The following ITPR2 variants were observed in gnomAD, a reference collection of about 807,000 sequenced individuals.
ITPR2 encodes inositol 1,4,5-trisphosphate receptor type 2, also known as inositol 1,4,5-trisphosphate-gated calcium channel ITPR2.
In ITPR2, 207 loss-of-function variants were observed where a neutral mutation model predicts 317.1. The ratio of observed to expected loss-of-function variants is 0.65; its 90% CI spans 0.58 to 0.73. ITPR2 has a LOEUF of 0.73. Ranked by LOEUF, ITPR2 falls within the 30% of genes least tolerant of loss-of-function variation. The pLI, the probability that ITPR2 is intolerant of heterozygous loss-of-function variation, is 0.00. For synonymous variants in ITPR2, 1,156 were observed against 1,149.1 expected (o/e 1.01, Z -0.12); for missense variants, 2,613 against 3,284.0 (o/e 0.80, Z 4.99).
At chr12:26,353,326 C>T (rs1256637299) in intron 55 of ITPR2, among the ~76,000 whole-genome samples, 1 of 152,174 alleles carries the variant, frequency 6.6e-6, no homozygotes, top group Non-Finnish European at 1.5e-5. Context: ...TCATCTTGCT[C>T]CTTAAAATCC....
chr12:26,787,291 A>C (rs901244009), intron 2 of ITPR2, among the ~76,000 whole-genome samples: 2 of 152,266 alleles, frequency 1.3e-5, no homozygotes, highest in Non-Finnish European at 2.9e-5. Flanking sequence ...GATTGTAGTA[A>C]GATAAATGAT....
chr12:26,387,498 A>C lies in ITPR2; in HGVS notation c.7793T>G (p.Leu2598Arg), dbSNP rs1326229586. 1 of 1,613,876 alleles carries C rather than the reference A, an allele frequency of 6.2e-7. No individual in the cohort carries two copies. Among genetic ancestry groups the C allele is most frequent in the Admixed American group, 1.7e-5 (1 of 60,010 alleles). ...TTCTGTTGGGTCTTTAACTTTCACC[A>C]GGACTATGAAGTACAAATAATGCCA... is the stretch of plus-strand genomic sequence containing the variant. ...NMWHYLYFIV[L>R]VKVKDPTEYT... Residue 2598 changes from leucine (L) to arginine (R), a missense_variant, in exon 55 of 57, where the codon CTG becomes CGG. This residue lies in a region of ITPR2 where 119 missense variants were observed against 144.3 expected (regional missense o/e 0.82). Coordinates refer to ENST00000381340, the MANE Select transcript of ITPR2 (RefSeq NM_002223.4).
At position 26,602,644 on chromosome 12, in the gene ITPR2, C is replaced by T; in HGVS notation, c.3525G>A (p.Lys1175=). 6.2e-7 allele frequency: 1 copy of T among 1,611,386 alleles called. No homozygotes were observed. The highest frequency in any genetic ancestry group is 8.5e-7 in the Non-Finnish European group (1 of 1,178,154). ...GTKKPQIDSN[K]SNNYRIVKEI... is the part of the protein sequence containing the mutation. Reference sequence around the variant, plus strand: ...CCTTTACAATCCGGTAGTTATTGCTCTTGTTGCTGTCAATCTGAGGTTTCT... The same window carrying T: ...CCTTTACAATCCGGTAGTTATTGCTTTTGTTGCTGTCAATCTGAGGTTTCT... The change falls in exon 27 of 57, where the codon AAG becomes AAA. Residue 1175 remains lysine (K), a synonymous_variant. Coordinates refer to ENST00000381340, the MANE Select transcript of ITPR2 (RefSeq NM_002223.4).
rs146495215 is a variant in ITPR2 at position 26,367,636 on chromosome 12, C to T, written c.7857+19798G>A. Among the ~76,000 whole-genome samples the T allele has an allele frequency of 7.7e-3, 1,168 of 152,278 alleles. 12 individuals carry two copies. The highest frequency in any genetic ancestry group is 0.024 in the Middle Eastern group (7 of 294). ...TATGAAGAGAAGTAATCTGGCAATACAGCCAAACTAATACACAAACTTAGA... is the reference window on the plus strand; with the variant it reads ...TATGAAGAGAAGTAATCTGGCAATATAGCCAAACTAATACACAAACTTAGA... On this transcript the variant is annotated intron_variant, in intron 55 of 56. Coordinates refer to ENST00000381340, the MANE Select transcript of ITPR2 (RefSeq NM_002223.4).
chr12:26,443,720 C>G (rs1941543601), intron 45 of ITPR2, 70 bp from the exon 46 acceptor site: 7 of 1,130,724 alleles, frequency 6.2e-6, no homozygotes, highest in Non-Finnish European at 9.3e-6. Context: ...TTTGCAATAT[C>G]TTTGTCTACT....
At position 26,649,663 on chromosome 12, in the gene ITPR2, C is replaced by T. The variant is rs147555544; in HGVS notation, c.2740+4313G>A. ...CCTTCTCAAATCCCTCCAGAGATTGCCCACCAAACTTAAAACAAAATTCTA... is the reference window on the plus strand; with the variant it reads ...CCTTCTCAAATCCCTCCAGAGATTGTCCACCAAACTTAAAACAAAATTCTA... On this transcript the variant is annotated intron_variant, in intron 21 of 56. Transcript: ENST00000381340. Among the ~76,000 whole-genome samples, 10 of 152,240 alleles carry T rather than the reference C, an allele frequency of 6.6e-5. No homozygotes were observed. In the East Asian group the frequency reaches 1.9e-3, roughly 29 times the overall value.
At chr12:26,725,000 T>C (rs567294525) in intron 3 of ITPR2, among the ~76,000 whole-genome samples, 19 of 152,250 alleles carry the variant, frequency 1.2e-4, no homozygotes, top group African/African-American at 4.3e-4. Context: ...AAGGGAGCAG[T>C]AATTAAATAA....
chr12:26,789,699 G>A (rs1020075930), intron 2 of ITPR2, among the ~76,000 whole-genome samples: 1 of 152,126 alleles, frequency 6.6e-6, no homozygotes, highest in African/African-American at 2.4e-5. Flanking sequence ...ATACTTAGGA[G>A]TTCTAAGACA....
At chr12:26,567,562 G>A (rs1945010526) in intron 34 of ITPR2, among the ~76,000 whole-genome samples, 1 of 151,916 alleles carries the variant, frequency 6.6e-6, no homozygotes, top group South Asian at 2.1e-4. Flanking sequence ...ACAATTTTTA[G>A]GCAATAATAG....
At chr12:26,559,978 T>A (rs1323077511) in intron 35 of ITPR2, among the ~76,000 whole-genome samples, 2 of 152,224 alleles carry the variant, frequency 1.3e-5, no homozygotes, top group African/African-American at 2.4e-5. Flanking sequence ...CAACAATTTA[T>A]CATTTATTTA....
At chr12:26,657,482 A>G (rs959386475) in intron 18 of ITPR2, among the ~76,000 whole-genome samples, 7 of 152,194 alleles carry the variant, frequency 4.6e-5, no homozygotes, top group African/African-American at 1.7e-4. Context: ...CAATAATTCC[A>G]AGCTAGTGAG....
At chr12:26,512,924 G>C (rs1943391886) in intron 37 of ITPR2, among the ~76,000 whole-genome samples, 1 of 128,572 alleles carries the variant, frequency 7.8e-6, no homozygotes, top group Non-Finnish European at 1.9e-5. Flanking sequence ...CCAGGTTCAA[G>C]CAATTCTCTG....
chr12:26,575,482 G>T (rs904247116), intron 34 of ITPR2, among the ~76,000 whole-genome samples: 1 of 152,000 alleles, frequency 6.6e-6, no homozygotes, highest in Non-Finnish European at 1.5e-5. Context: ...TAACTGTTCA[G>T]ATGGAAGGGA....
At position 26,785,312 on chromosome 12, in the gene ITPR2, G is replaced by A. The variant is rs1240305129; in HGVS notation, c.163+4845C>T. ...TCCGAGAGGGAGGTGGTGGGGGTCA[G>A]CCCCCCGCCCGGCCAGCCGCCCCGT... is the stretch of plus-strand genomic sequence containing the variant. On this transcript the variant is annotated intron_variant, in intron 2 of 56. Transcript: ENST00000381340. 2.0e-4 allele frequency among the ~76,000 whole-genome samples: 9 copies of A among 45,300 alleles called. 1 individual carries two copies. The highest frequency in any genetic ancestry group is 3.1e-4 in the Admixed American group (1 of 3,228). 29.7% of individuals were successfully genotyped at this position (45,300 alleles called of 152,430 possible).
chr12:26,605,397 C>A (rs1251132099), intron 26 of ITPR2, among the ~76,000 whole-genome samples: 1 of 147,962 alleles, frequency 6.8e-6, no homozygotes. Context: ...CATTTTTTTT[C>A]TGTAAGAGAA....
chr12:26,597,000 C>T lies in ITPR2; in HGVS notation c.4137G>A (p.Val1379=). ...SGPLAYHITL[V]ELLAACTEGK... is the part of the protein sequence containing the mutation. ...CCTCTGTGCATGCTGCCAGCAACTCCACCAGGGTGATGTGGTAGGCTAAGG... is the reference window on the plus strand; with the variant it reads ...CCTCTGTGCATGCTGCCAGCAACTCTACCAGGGTGATGTGGTAGGCTAAGG... Residue 1379 remains valine, a synonymous_variant, in exon 31 of 57, where the codon GTG becomes GTA. Transcript: ENST00000381340. 1 of 1,613,922 alleles carries T rather than the reference C, an allele frequency of 6.2e-7. No individual in the cohort carries two copies. Among genetic ancestry groups the T allele is most frequent in the Non-Finnish European group, 8.5e-7 (1 of 1,179,936 alleles).
At position 26,659,257 on chromosome 12, in the gene ITPR2, A is replaced by G; in HGVS notation, c.1742T>C (p.Met581Thr). Residue 581 changes from methionine (M) to threonine (T), a missense_variant, in exon 16 of 57, where the codon ATG becomes ACG. Met to Thr is a moderately conservative substitution (Grantham distance 81). Around this residue, in one of 9 missense-constraint regions of ITPR2, gnomAD observed 515 missense variants for 789.4 expected, o/e 0.65. Transcript: ENST00000381340. Reference protein sequence around the residue: ...QEYIAKNFCVMQSQIGYDILA... With the variant: ...QEYIAKNFCVTQSQIGYDILA... ...AATATCATAGCCAATCTGGGACTGC[A>G]TGACACAGAAATTCTTAGCAATATA... 2 of 1,613,622 alleles carry G rather than the reference A, an allele frequency of 1.2e-6. No homozygotes were observed. Among genetic ancestry groups the G allele is most frequent in the Non-Finnish European group, 1.7e-6 (2 of 1,179,824 alleles).
At chr12:26,671,067 G>A (rs200780902) in intron 13 of ITPR2, among the ~76,000 whole-genome samples, 27,490 of 151,268 alleles carry the variant, frequency 0.18, 3,169 homozygotes, top group East Asian at 0.54. Context: ...CCAAATCTAC[G>A]TCTGATTGGT....
At position 26,599,408 on chromosome 12, in the gene ITPR2, T is replaced by G; in HGVS notation, c.3802-63A>C. 4 of 1,374,712 alleles carry G rather than the reference T, an allele frequency of 2.9e-6. No individual in the cohort carries two copies. In the South Asian group the frequency reaches 4.7e-5, roughly 16 times the overall value. 85.2% of individuals were successfully genotyped at this position (1,374,712 alleles called of 1,614,324 possible). Reference sequence around the variant, plus strand: ...GATCAATTTTCTATTCTACAGTACTTAGACTAATTGCCCTGCTTGTGATCA... The same window carrying G: ...GATCAATTTTCTATTCTACAGTACTGAGACTAATTGCCCTGCTTGTGATCA... On this transcript the variant is annotated intron_variant, in intron 29 of 56. Transcript: ENST00000381340.
Sources: gnomAD v4.1 joint callset for allele counts (sites outside exome capture counted in the v4.1 genomes callset) on GRCh38, gnomAD v4.1.1 for gene constraint, gnomAD v4.1.1 regional missense constraint, MANE v1.5 for transcripts, NCBI Gene and HGNC (gene_info 2026-07-23, HGNC 2026-07-21) for gene names.